Variants in FBP2 observed in about 807,000 individuals in gnomAD.
The protein encoded by FBP2 is fructose-bisphosphatase 2.
In FBP2, 27 loss-of-function variants were observed where a neutral mutation model predicts 31.6. The ratio of observed to expected loss-of-function variants is 0.85; its 90% CI spans 0.63 to 1.18. The LOEUF (loss-of-function observed/expected upper bound fraction) is 1.18, where lower values mean the gene tolerates loss of function less well. Among genes scored for constraint, FBP2 ranks in the 50% most tolerant of loss-of-function variants. The probability of loss-of-function intolerance (pLI) is 0.00; values close to 1 mark genes in which losing one functional copy is unlikely to be tolerated. For synonymous variants in FBP2, 168 were observed against 179.8 expected (o/e 0.93, Z 0.53); for missense variants, 421 against 436.1 (o/e 0.97, Z 0.31).
chr9:94,593,816 G>T lies in FBP2; in HGVS notation c.-90C>A. On this transcript the variant is annotated 5_prime_UTR_variant, in exon 1 of 7. Coordinates refer to ENST00000375337, the MANE Select transcript of FBP2 (RefSeq NM_003837.4). ...AGCTCCGCAGTGTGGAAGCCGATAA[G>T]AAATCTGTGCTGGCCCTGCCAGGAT... The T allele has an allele frequency of 6.9e-7, 1 of 1,445,838 alleles. No individual in the cohort carries two copies. The highest frequency in any genetic ancestry group is 1.3e-5 in the South Asian group (1 of 76,758). 89.6% of individuals were successfully genotyped at this position (1,445,838 alleles called of 1,614,324 possible).
At chr9:94,563,588 T>G in intron 5 of FBP2, 127 bp from the exon 6 acceptor site, 1 of 991,852 alleles carries the variant, frequency 1.0e-6, no homozygotes, top group Non-Finnish European at 1.5e-6. Flanking sequence ...CCCACTAGTG[T>G]AGGAATTGAA....
At chr9:94,583,744 C>T (rs995435704) in intron 3 of FBP2, among the ~76,000 whole-genome samples, 5 of 152,174 alleles carry the variant, frequency 3.3e-5, no homozygotes, top group East Asian at 3.9e-4. Flanking sequence ...GAATTACAGG[C>T]GTGCACCATC....
At chr9:94,563,877 T>C (rs1340471903) in intron 5 of FBP2, among the ~76,000 whole-genome samples, 2 of 151,948 alleles carry the variant, frequency 1.3e-5, no homozygotes, top group African/African-American at 4.8e-5. Context: ...ACCAATAAAG[T>C]TCAAAAAAGA....
chr9:94,591,854 G>A lies in FBP2; in HGVS notation c.170+1703C>T, dbSNP rs539572266. Among the ~76,000 whole-genome samples the A allele has an allele frequency of 3.9e-5, 6 of 152,212 alleles. No homozygotes were observed. In the East Asian group the frequency reaches 5.8e-4, roughly 15 times the overall value. ...GAGTAAATCACGCCCATTATCACACGGTAGGAAATGCCAAATTAATAAGCA... is the reference window on the plus strand; with the variant it reads ...GAGTAAATCACGCCCATTATCACACAGTAGGAAATGCCAAATTAATAAGCA... On this transcript the variant is annotated intron_variant, in intron 1 of 6. Coordinates refer to ENST00000375337, the MANE Select transcript of FBP2 (RefSeq NM_003837.4).
chr9:94,591,260 G>A (rs537294521), intron 1 of FBP2, among the ~76,000 whole-genome samples: 1 of 152,356 alleles, frequency 6.6e-6, no homozygotes, highest in African/African-American at 2.4e-5. Flanking sequence ...GCTCAGGCAT[G>A]GCGGGCTGCA....
At chr9:94,574,507 CTTG>C (rs1359222952) in intron 3 of FBP2, among the ~76,000 whole-genome samples, 3 of 151,966 alleles carry the variant, frequency 2.0e-5, no homozygotes, top group African/African-American at 4.8e-5. Flanking sequence ...TATTCAACTT[CTTG>C]TTTATTTTAA....
intron 6 of FBP2, among the ~76,000 whole-genome samples, chr9:94,562,827 G>T (rs376271405): frequency 7.4e-4 from 113 of 152,248 alleles, no homozygotes; most frequent in African/African-American, 2.7e-3. Context: ...AGATATATTG[G>T]CTGAGTTCTG....
intron 2 of FBP2, 77 bp from the exon 3 acceptor site, chr9:94,584,746 T>C: frequency 2.3e-6 from 2 of 865,720 alleles, no homozygotes; most frequent in Non-Finnish European, 4.0e-6. Context: ...GGGCTGTGCG[T>C]GGCAGAGTAC....
intron 1 of FBP2, among the ~76,000 whole-genome samples, chr9:94,590,776 G>GC (rs1376796006): frequency 1.3e-5 from 2 of 152,158 alleles, no homozygotes; most frequent in East Asian, 1.9e-4. Flanking sequence ...CTCTTATCTG[G>GC]CCCACCCACA....
At chr9:94,559,904 G>T (rs920154310) in intron 6 of FBP2, among the ~76,000 whole-genome samples, 1 of 152,118 alleles carries the variant, frequency 6.6e-6, no homozygotes, top group Non-Finnish European at 1.5e-5. Context: ...GAGGCAAAAG[G>T]ATCGCTTGAG....
chr9:94,564,051 A>G (rs1827149989), intron 5 of FBP2, among the ~76,000 whole-genome samples: 1 of 152,226 alleles, frequency 6.6e-6, no homozygotes, highest in Non-Finnish European at 1.5e-5. Context: ...GGCAGACTTC[A>G]ACACCTCACT....
At chr9:94,563,554 G>C in intron 5 of FBP2, 93 bp from the exon 6 acceptor site, 1 of 1,413,126 alleles carries the variant, frequency 7.1e-7, no homozygotes. Context: ...TGTGACCTCT[G>C]CCTTCTTGAA....
intron 1 of FBP2, among the ~76,000 whole-genome samples, chr9:94,592,887 A>T (rs1485552099): frequency 1.3e-5 from 2 of 152,168 alleles, no homozygotes; most frequent in African/African-American, 4.8e-5. Flanking sequence ...GACCATCAGC[A>T]GTGTAATGTG....
At chr9:94,567,520 C>T in intron 4 of FBP2, 113 bp from the exon 5 acceptor site, 2 of 1,330,336 alleles carry the variant, frequency 1.5e-6, no homozygotes, top group Non-Finnish European at 2.1e-6. Flanking sequence ...AGAGCTGGGG[C>T]TTGGCTGTGG....
chr9:94,592,659 C>T (rs949038089), intron 1 of FBP2, among the ~76,000 whole-genome samples: 2 of 152,146 alleles, frequency 1.3e-5, no homozygotes, highest in South Asian at 2.1e-4. Context: ...CTCAGCCTCC[C>T]GAGTAGCCGG....
intron 1 of FBP2, among the ~76,000 whole-genome samples, chr9:94,587,817 T>C (rs530847219): frequency 6.6e-6 from 1 of 152,192 alleles, no homozygotes; most frequent in South Asian, 2.1e-4. Flanking sequence ...AGTAAAGGAC[T>C]GTGGCCTCCA....
At chr9:94,564,340 A>G (rs1026632040) in intron 5 of FBP2, among the ~76,000 whole-genome samples, 9 of 152,222 alleles carry the variant, frequency 5.9e-5, no homozygotes, top group Admixed American at 2.0e-4. Flanking sequence ...AAATCATTCT[A>G]TTGTAAAGAC....
At chr9:94,582,350 G>A (rs1305867284) in intron 3 of FBP2, among the ~76,000 whole-genome samples, 1 of 78,780 alleles carries the variant, frequency 1.3e-5, no homozygotes, top group African/African-American at 5.1e-5. Context: ...GTGTGTGTGT[G>A]CGTGTGTGTG....
intron 1 of FBP2, 83 bp from the exon 2 acceptor site, chr9:94,587,552 GT>G (rs1436456518): frequency 8.3e-7 from 1 of 1,204,252 alleles, no homozygotes; most frequent in Admixed American, 1.9e-5. Flanking sequence ...AACGCCAGCA[GT>G]GCAGTCCCCT....
Sources: gnomAD v4.1 joint callset for allele counts (sites outside exome capture counted in the v4.1 genomes callset) on GRCh38, gnomAD v4.1.1 for gene constraint, MANE v1.5 for transcripts, NCBI Gene and HGNC (gene_info 2026-07-23, HGNC 2026-07-21) for gene names.